Variants in ALK observed in about 807,000 individuals in gnomAD.
ALK encodes ALK tyrosine kinase receptor.
ALK carries 74 observed loss-of-function variants against 163.1 expected under a neutral mutation model. The ratio of observed to expected loss-of-function variants is 0.45; its 90% CI spans 0.38 to 0.55. The LOEUF is 0.55. Among genes scored for constraint, ALK ranks in the 20% least tolerant of loss-of-function variants. The probability of loss-of-function intolerance (pLI) is 0.00; values close to 1 mark genes in which losing one functional copy is unlikely to be tolerated. For synonymous variants in ALK, 960 were observed against 843.2 expected (o/e 1.14, Z -2.40); for missense variants, 2,063 against 2,105.3 (o/e 0.98, Z 0.39).
chr2:29,230,992 T>G (rs1664186002), intron 15 of ALK, among the ~76,000 whole-genome samples: 1 of 152,112 alleles, frequency 6.6e-6, no homozygotes, highest in Admixed American at 6.6e-5. Flanking sequence ...AGCAAATGTG[T>G]GGAAAGGAAA....
intron 1 of ALK, among the ~76,000 whole-genome samples, chr2:29,906,948 T>G (rs955600483): frequency 3.7e-5 from 5 of 136,114 alleles, no homozygotes; most frequent in African/African-American, 1.1e-4. Context: ...TTTTTTTTTT[T>G]TTTTTTTTTT....
At chr2:29,340,446 G>A (rs138294565) in intron 5 of ALK, among the ~76,000 whole-genome samples, 4,979 of 152,124 alleles carry the variant, frequency 0.033, 115 homozygotes, top group Non-Finnish European at 0.045. Context: ...GAAGGGAGCC[G>A]GGTGGATTCA....
At position 29,194,274 on chromosome 2, in the gene ALK, A is replaced by G. The variant is rs139089993; in HGVS notation, c.4165-352T>C. On this transcript the variant is annotated intron_variant, in intron 28 of 28. Coordinates refer to ENST00000389048, the MANE Select transcript of ALK (RefSeq NM_004304.5). Reference sequence around the variant, plus strand: ...TGTATTATTCCAGTCTAGTTCCACTAAAATCGTTCCAACTGGAAAAAATAA... The same window carrying G: ...TGTATTATTCCAGTCTAGTTCCACTGAAATCGTTCCAACTGGAAAAAATAA... Among the ~76,000 whole-genome samples, 143 of 152,290 alleles carry G rather than the reference A, an allele frequency of 9.4e-4. 2 individuals are homozygous for G. In the East Asian group the frequency reaches 0.018, roughly 19 times the overall value.
At chr2:29,575,456 A>G (rs1041426983) in intron 3 of ALK, among the ~76,000 whole-genome samples, 3 of 152,074 alleles carry the variant, frequency 2.0e-5, no homozygotes, top group African/African-American at 7.2e-5. Context: ...TCCCCACCTG[A>G]CCCAGTCTCC....
chr2:29,790,710 A>G (rs1011823139), intron 1 of ALK, among the ~76,000 whole-genome samples: 2 of 152,024 alleles, frequency 1.3e-5, no homozygotes, highest in Non-Finnish European at 2.9e-5. Flanking sequence ...CAGCCTCCCA[A>G]GTAGCTGGGA....
At chr2:29,430,442 AG>A (rs1670245498) in intron 4 of ALK, among the ~76,000 whole-genome samples, 1 of 152,250 alleles carries the variant, frequency 6.6e-6, no homozygotes, top group Admixed American at 6.5e-5. Context: ...TCAATGTTTT[AG>A]GCTTGAGGGC....
chr2:29,811,844 T>C lies in ALK; in HGVS notation c.668-94147A>G, dbSNP rs1437870819. On this transcript the variant is annotated intron_variant, in intron 1 of 28. Transcript: ENST00000389048. ...ATGTCCAGAGTAATGCATTGGTATC[T>C]GTCTACGCCCCTTCCAGTTCAAATG... is the stretch of plus-strand genomic sequence containing the variant. Among the ~76,000 whole-genome samples the C allele has an allele frequency of 3.3e-5, 5 of 152,194 alleles. No homozygotes were observed. In the East Asian group the frequency reaches 9.6e-4, roughly 29 times the overall value.
chr2:29,685,817 C>G (rs1019619176), intron 3 of ALK, among the ~76,000 whole-genome samples: 1 of 152,178 alleles, frequency 6.6e-6, no homozygotes, highest in African/African-American at 2.4e-5. Context: ...GAACTGCGTT[C>G]CTTCTGAATG....
chr2:29,736,093 A>G (rs914333455), intron 1 of ALK, among the ~76,000 whole-genome samples: 1 of 152,154 alleles, frequency 6.6e-6, no homozygotes, highest in African/African-American at 2.4e-5. Flanking sequence ...AGCTTTTACT[A>G]TTAATGATCA....
intron 4 of ALK, among the ~76,000 whole-genome samples, chr2:29,439,969 C>T (rs1041792966): frequency 3.9e-5 from 6 of 152,034 alleles, no homozygotes; most frequent in Non-Finnish European, 7.3e-5. Context: ...TGGTGGCTCA[C>T]GCCTGTAATC....
intron 1 of ALK, among the ~76,000 whole-genome samples, chr2:29,768,743 G>GTGTGTGTATA (rs373708982): frequency 6.6e-6 from 1 of 150,568 alleles, no homozygotes; most frequent in Admixed American, 6.6e-5. Context: ...GTGTGTGTGT[G>GTGTGTGTATA]TATATATGTA....
intron 1 of ALK, among the ~76,000 whole-genome samples, chr2:29,820,305 C>T (rs1221008278): frequency 6.6e-6 from 1 of 152,160 alleles, no homozygotes; most frequent in Non-Finnish European, 1.5e-5. Flanking sequence ...GCCAATGAGC[C>T]ATTATGGAAG....
In ALK at chr2:29,209,896, G is replaced by A. The variant is rs1669418467; in HGVS notation, c.3744-18C>T. On this transcript the variant is annotated intron_variant, in intron 24 of 28. Transcript: ENST00000389048. Reference sequence around the variant, plus strand: ...CAATGTCTCTGGGAAGAAAGGAAATGCATTTCCTAATTTTATCCCTAGGAA... The same window carrying A: ...CAATGTCTCTGGGAAGAAAGGAAATACATTTCCTAATTTTATCCCTAGGAA... 3 of 1,603,338 alleles carry A rather than the reference G, an allele frequency of 1.9e-6. No individual in the cohort carries two copies. Among genetic ancestry groups the A allele is most frequent in the Non-Finnish European group, 2.6e-6 (3 of 1,170,266 alleles).
chr2:29,647,454 C>T (rs1239153498), intron 3 of ALK, among the ~76,000 whole-genome samples: 1 of 152,176 alleles, frequency 6.6e-6, no homozygotes, highest in Non-Finnish European at 1.5e-5. Flanking sequence ...TCCCCTAATT[C>T]CCACCTAACC....
intron 3 of ALK, among the ~76,000 whole-genome samples, chr2:29,631,063 G>A (rs1377177837): frequency 6.6e-6 from 1 of 151,544 alleles, no homozygotes; most frequent in East Asian, 1.9e-4. Flanking sequence ...TGTACTAACT[G>A]AATCTACACA....
chr2:29,732,033 C>G (rs908921139), intron 1 of ALK, among the ~76,000 whole-genome samples: 127 of 152,308 alleles, frequency 8.3e-4, no homozygotes, highest in African/African-American at 3.0e-3. Context: ...ATTTGTACAG[C>G]ATGCATCCAG....
chr2:29,559,448 A>G (rs77165517), intron 3 of ALK, among the ~76,000 whole-genome samples: 3,999 of 152,254 alleles, frequency 0.026, 61 homozygotes, highest in Middle Eastern at 0.075. Flanking sequence ...AGAACTCCAG[A>G]ATTATGACAC....
intron 1 of ALK, among the ~76,000 whole-genome samples, chr2:29,916,322 C>T (rs759129631): frequency 7.2e-5 from 11 of 152,252 alleles, no homozygotes; most frequent in Non-Finnish European, 1.0e-4. Flanking sequence ...CTGCCACTCT[C>T]TCTCTTCAGA....
intron 26 of ALK, among the ~76,000 whole-genome samples, chr2:29,199,984 G>C (rs983577410): frequency 1.3e-5 from 2 of 152,192 alleles, no homozygotes; most frequent in African/African-American, 2.4e-5. Context: ...ATTGGGCAAA[G>C]ATATTTTCCC....
Sources: gnomAD v4.1 joint callset for allele counts (sites outside exome capture counted in the v4.1 genomes callset) on GRCh38, gnomAD v4.1.1 for gene constraint, MANE v1.5 for transcripts, NCBI Gene and HGNC (gene_info 2026-07-23, HGNC 2026-07-21) for gene names.